The following EPB41 variants were observed in gnomAD, a reference collection of about 807,000 sequenced individuals.
EPB41 encodes the protein erythrocyte membrane protein band 4.1.
In EPB41, 65 loss-of-function variants were observed where a neutral mutation model predicts 108.0. That is an observed-to-expected ratio of 0.60 (90% CI 0.49 to 0.74). The LOEUF is 0.74. EPB41 is among the 30% of genes least tolerant of loss of function. The pLI is 0.00. For synonymous variants in EPB41, 336 were observed against 358.9 expected (o/e 0.94, Z 0.72); for missense variants, 875 against 1,037.0 (o/e 0.84, Z 2.15).
At chr1:29,017,128 A>C (rs1266186277) in intron 6 of EPB41, among the ~76,000 whole-genome samples, 2 of 152,196 alleles carry the variant, frequency 1.3e-5, no homozygotes, top group Non-Finnish European at 2.9e-5. Context: ...CTACTTAATC[A>C]TCTTTTTCCG....
chr1:29,061,572 GTT>G (rs34413393), intron 15 of EPB41, among the ~76,000 whole-genome samples: 14 of 64,046 alleles, frequency 2.2e-4, no homozygotes, highest in Middle Eastern at 0.013. Context: ...CCTGGCCTTT[GTT>G]TTTTTTTTTT....
intron 4 of EPB41, among the ~76,000 whole-genome samples, chr1:29,007,588 G>T (rs2149848448): frequency 6.6e-6 from 1 of 152,208 alleles, no homozygotes; most frequent in African/African-American, 2.4e-5. Flanking sequence ...TTATTGCTCT[G>T]CTGAAACTGT....
chr1:29,069,328 C>T lies in EPB41; in HGVS notation c.2184+4170C>T, dbSNP rs554806167. On this transcript the variant is annotated intron_variant, in intron 16 of 20. Coordinates refer to ENST00000343067, the MANE Select transcript of EPB41 (RefSeq NM_001376013.1). ...TGTCTTGACTATGGATAGCAGAGTA[C>T]AGAAATTGCAGGGGGAATAAAAACT... 4.5e-4 allele frequency: 550 copies of T among 1,231,314 alleles called. No individual in the cohort carries two copies. In the Middle Eastern group the frequency reaches 6.6e-3, roughly 15 times the overall value. The allele number at this position is 1,231,314 out of a possible 1,614,324, so 76.3% of individuals were successfully genotyped here. A position where few individuals can be genotyped will look rare whatever the true frequency, so the allele number is the denominator to read the frequency against.
At chr1:29,055,484 C>T (rs1255476945) in intron 12 of EPB41, among the ~76,000 whole-genome samples, 1 of 152,034 alleles carries the variant, frequency 6.6e-6, no homozygotes, top group Non-Finnish European at 1.5e-5. Flanking sequence ...TATATGCTTT[C>T]CATTTTAAGT....
chr1:29,040,290 T>A (rs1640990982), intron 11 of EPB41, among the ~76,000 whole-genome samples: 3 of 152,120 alleles, frequency 2.0e-5, no homozygotes, highest in South Asian at 2.1e-4. Flanking sequence ...TTAATTTTTT[T>A]ATTTTTTGAG....
At chr1:29,087,142 C>A (rs1395828452) in intron 16 of EPB41, among the ~76,000 whole-genome samples, 1 of 151,820 alleles carries the variant, frequency 6.6e-6, no homozygotes, top group Non-Finnish European at 1.5e-5. Flanking sequence ...AGGGTTTTAC[C>A]ATGTTAGCCA....
At chr1:28,947,666 A>G (rs2094538444) in intron 1 of EPB41, among the ~76,000 whole-genome samples, 1 of 151,854 alleles carries the variant, frequency 6.6e-6, no homozygotes. Context: ...TCTCTATCAA[A>G]AATACAAAAA....
At chr1:29,052,096 T>G (rs1465533505) in intron 11 of EPB41, among the ~76,000 whole-genome samples, 2 of 152,220 alleles carry the variant, frequency 1.3e-5, no homozygotes. Flanking sequence ...TGAAGTAAGC[T>G]GTCTAAAACT....
chr1:29,091,087 AAG>A (rs1208531026), intron 16 of EPB41, among the ~76,000 whole-genome samples: 1 of 152,172 alleles, frequency 6.6e-6, no homozygotes, highest in Non-Finnish European at 1.5e-5. Context: ...TTTGGAAAAA[AAG>A]AGATTGTTCT....
intron 1 of EPB41, among the ~76,000 whole-genome samples, chr1:28,940,895 C>T (rs2094256293): frequency 6.6e-6 from 1 of 152,038 alleles, no homozygotes; most frequent in Admixed American, 6.6e-5. Context: ...AAAACGAAAG[C>T]ACTGACATTT....
chr1:29,068,164 T>G (rs1558219331), intron 16 of EPB41, among the ~76,000 whole-genome samples: 1 of 152,234 alleles, frequency 6.6e-6, no homozygotes, highest in Non-Finnish European at 1.5e-5. Context: ...CTGTTAACTC[T>G]AAAATTCTGT....
chr1:29,058,551 C>T (rs2150894534), intron 12 of EPB41, 38 bp from the exon 13 acceptor site: 1 of 1,582,452 alleles, frequency 6.3e-7, no homozygotes, highest in East Asian at 2.2e-5. Context: ...AACCTACTAA[C>T]CTAAAATGTT....
chr1:28,942,203 C>T (rs2094316084), intron 1 of EPB41, among the ~76,000 whole-genome samples: 1 of 152,194 alleles, frequency 6.6e-6, no homozygotes, highest in Non-Finnish European at 1.5e-5. Context: ...AGCAATTCTC[C>T]AAAGGATAGC....
chr1:29,056,518 G>A (rs770877094), intron 12 of EPB41, among the ~76,000 whole-genome samples: 4 of 151,868 alleles, frequency 2.6e-5, no homozygotes, highest in Non-Finnish European at 5.9e-5. Context: ...AACTACTGTT[G>A]CTACTTGGCC....
intron 7 of EPB41, among the ~76,000 whole-genome samples, chr1:29,023,904 A>T (rs2096679977): frequency 1.3e-5 from 2 of 151,978 alleles, no homozygotes; most frequent in African/African-American, 4.8e-5. Context: ...TAAGTTACTT[A>T]AGCTCTCTAA....
chr1:28,989,299 G>A (rs1157090931), intron 2 of EPB41: 1 of 713,846 alleles, frequency 1.4e-6, no homozygotes, highest in Non-Finnish European at 1.7e-6. Context: ...CCCAAAAAAT[G>A]GGAAAACATT....
At chr1:29,041,989 G>A (rs2985337) in intron 11 of EPB41, among the ~76,000 whole-genome samples, 50,708 of 152,016 alleles carry the variant, frequency 0.33, 10,417 homozygotes, top group African/African-American at 0.58. Context: ...TCATTAAGAT[G>A]CTGTTTTTCT....
chr1:28,955,533 C>A (rs1411928457), intron 1 of EPB41, among the ~76,000 whole-genome samples: 1 of 151,984 alleles, frequency 6.6e-6, no homozygotes, highest in East Asian at 1.9e-4. Flanking sequence ...TTAGTAGAGA[C>A]GGAGTTTCAC....
At chr1:29,086,166 A>G (rs1385410086) in intron 16 of EPB41, among the ~76,000 whole-genome samples, 1 of 152,104 alleles carries the variant, frequency 6.6e-6, no homozygotes, top group Non-Finnish European at 1.5e-5. Flanking sequence ...AAAGTAATAC[A>G]TACTTGTTTT....
Sources: gnomAD v4.1 joint callset for allele counts (sites outside exome capture counted in the v4.1 genomes callset) on GRCh38, gnomAD v4.1.1 for gene constraint, MANE v1.5 for transcripts, NCBI Gene and HGNC (gene_info 2026-07-23, HGNC 2026-07-21) for gene names.